The following CCSER1 variants were observed in gnomAD, a reference collection of about 807,000 sequenced individuals.
CCSER1 encodes coiled-coil serine rich protein 1, also known as serine-rich coiled-coil domain-containing protein 1.
Under a neutral mutation model 82.0 loss-of-function variants are expected in CCSER1, and 41 were observed. The observed-to-expected ratio is 0.50, with a 90% CI of 0.39 to 0.65. CCSER1 has a LOEUF of 0.65. CCSER1 is among the 30% of genes least tolerant of loss of function. The probability of loss-of-function intolerance (pLI) is 0.00; values close to 1 mark genes in which losing one functional copy is unlikely to be tolerated. For synonymous variants in CCSER1, 414 were observed against 383.9 expected (o/e 1.08, Z -0.92); for missense variants, 1,119 against 1,064.2 (o/e 1.05, Z -0.72).
At chr4:90,448,439 AATTGAATATATATATATATATATATATAT>A (rs1191120738) in intron 4 of CCSER1, among the ~76,000 whole-genome samples, 2 of 101,192 alleles carry the variant, frequency 2.0e-5, no homozygotes, top group African/African-American at 7.0e-5. Flanking sequence ...TCTCTAGGTG[AATTGAATATATATATATATATATATATAT>A]ATATATATAT....
intron 10 of CCSER1, among the ~76,000 whole-genome samples, chr4:91,431,869 G>C (rs1310125795): frequency 6.6e-6 from 1 of 151,982 alleles, no homozygotes; most frequent in East Asian, 1.9e-4. Flanking sequence ...TTAGTTCACA[G>C]GTTTTTTTTT....
chr4:90,392,439 G>T (rs1233160806), intron 3 of CCSER1, among the ~76,000 whole-genome samples: 1 of 151,984 alleles, frequency 6.6e-6, no homozygotes, highest in South Asian at 2.1e-4. Flanking sequence ...TGTGCTACTT[G>T]GAAAAATTAA....
Position 90,470,762 on chromosome 4 carries a change from C to CAAAAAAAAAA in CCSER1, c.1724+2418_1724+2427dup, listed in dbSNP as rs754754971. Among the ~76,000 whole-genome samples the CAAAAAAAAAA allele has an allele frequency of 2.0e-4, 14 of 71,240 alleles. 1 individual carries two copies. The highest frequency in any genetic ancestry group is 5.7e-4 in the African/African-American group (11 of 19,228). 46.7% of individuals were successfully genotyped at this position (71,240 alleles called of 152,430 possible). On this transcript the variant is annotated intron_variant, in intron 5 of 10. Coordinates refer to ENST00000509176, the MANE Select transcript of CCSER1 (RefSeq NM_001145065.2). Reference sequence around the variant, plus strand: ...AATTTCTCATTCCTTTTAATCAAAGCAAAAAAAAAAAAAAAAAAACAAAAC... The same window carrying CAAAAAAAAAA: ...AATTTCTCATTCCTTTTAATCAAAGCAAAAAAAAAAAAAAAAAAAAAAAAAAAAACAAAAC...
intron 10 of CCSER1, among the ~76,000 whole-genome samples, chr4:91,585,498 T>C (rs946970611): frequency 1.3e-5 from 2 of 151,452 alleles, no homozygotes; most frequent in Non-Finnish European, 1.5e-5. Context: ...AACAAATAAA[T>C]GCATTATATG....
chr4:91,556,931 G>A (rs1026141768), intron 10 of CCSER1, among the ~76,000 whole-genome samples: 5 of 150,958 alleles, frequency 3.3e-5, no homozygotes, highest in African/African-American at 1.2e-4. Flanking sequence ...TTTTAGAGAG[G>A]CCATTTTTTA....
rs1420687277 is a variant in CCSER1, at chr4:91,599,111, G to A, written c.*54G>A. 4.8e-6 allele frequency: 7 copies of A among 1,448,546 alleles called. No homozygotes were observed. The highest frequency in any genetic ancestry group is 1.8e-4 in the Middle Eastern group (1 of 5,542). The allele number at this position is 1,448,546 out of a possible 1,614,324, so 89.7% of individuals were successfully genotyped here. A position where few individuals can be genotyped will look rare whatever the true frequency, so the allele number is the denominator to read the frequency against. On this transcript the variant is annotated 3_prime_UTR_variant, in exon 11 of 11. Coordinates refer to ENST00000509176, the MANE Select transcript of CCSER1 (RefSeq NM_001145065.2). ...AGGATAAAGATGGTTAGTGTTTCTC[G>A]TGCATAGTTCATATTAAAATTGTCA...
intron 8 of CCSER1, among the ~76,000 whole-genome samples, chr4:90,891,959 A>G (rs772217099): frequency 1.3e-5 from 2 of 152,090 alleles, no homozygotes; most frequent in South Asian, 4.1e-4. Context: ...TACACTGCTA[A>G]ACCAACTTCA....
chr4:91,520,178 C>G (rs35429344), intron 10 of CCSER1, among the ~76,000 whole-genome samples: 9,311 of 152,076 alleles, frequency 0.061, 405 homozygotes, highest in Middle Eastern at 0.11. Context: ...TTTTAATATA[C>G]ATGGATATAT....
intron 3 of CCSER1, among the ~76,000 whole-genome samples, chr4:90,343,588 G>C (rs1248106043): frequency 6.6e-6 from 1 of 152,118 alleles, no homozygotes; most frequent in African/African-American, 2.4e-5. Context: ...CCACACCCCA[G>C]CCTGGCGACA....
chr4:90,915,552 A>C (rs887113347), intron 8 of CCSER1, among the ~76,000 whole-genome samples: 1 of 152,214 alleles, frequency 6.6e-6, no homozygotes, highest in Non-Finnish European at 1.5e-5. Flanking sequence ...ACTCACAGCC[A>C]ATATCATACT....
At chr4:91,514,401 A>C (rs1759988848) in intron 10 of CCSER1, among the ~76,000 whole-genome samples, 1 of 152,116 alleles carries the variant, frequency 6.6e-6, no homozygotes, top group Non-Finnish European at 1.5e-5. Flanking sequence ...AGTATGTTCT[A>C]TGTGCAGATG....
intron 3 of CCSER1, among the ~76,000 whole-genome samples, chr4:90,391,504 A>ATATAT (rs1751126399): frequency 1.3e-5 from 1 of 79,418 alleles, no homozygotes; most frequent in Non-Finnish European, 2.4e-5. Flanking sequence ...ACAGTGGGTA[A>ATATAT]ATATATATAT....
chr4:90,210,450 C>CTTTTT (rs11438395), intron 1 of CCSER1, among the ~76,000 whole-genome samples: 3 of 141,300 alleles, frequency 2.1e-5, no homozygotes, highest in South Asian at 2.2e-4. Context: ...CTTTTCTTTT[C>CTTTTT]TTTTTTTTTT....
At chr4:90,429,643 G>T (rs1295955747) in intron 4 of CCSER1, among the ~76,000 whole-genome samples, 2 of 151,702 alleles carry the variant, frequency 1.3e-5, no homozygotes, top group Non-Finnish European at 3.0e-5. Flanking sequence ...TTACGGACAA[G>T]AATTAGTTGA....
Position 90,655,282 on chromosome 4 carries a change from A to G in CCSER1, c.1932+27050A>G, listed in dbSNP as rs1291043294. On this transcript the variant is annotated intron_variant, in intron 6 of 10. Transcript: ENST00000509176. ...CCCTCATATCAGCTGCTCTCTTTAA[A>G]TTATCCTCCTGGTTTGATGAAGTAA... 2.6e-5 allele frequency among the ~76,000 whole-genome samples: 4 copies of G among 152,110 alleles called. No homozygotes were observed. The East Asian group carries it at 5.8e-4, about 22-fold the overall frequency.
intron 9 of CCSER1, among the ~76,000 whole-genome samples, chr4:91,016,108 T>G (rs1739409238): frequency 6.6e-6 from 1 of 152,004 alleles, no homozygotes; most frequent in Admixed American, 6.6e-5. Context: ...TAGGAAATGT[T>G]TATAAAAAAC....
intron 10 of CCSER1, among the ~76,000 whole-genome samples, chr4:91,590,142 C>T (rs1167989893): frequency 6.6e-6 from 1 of 152,030 alleles, no homozygotes; most frequent in Admixed American, 6.6e-5. Flanking sequence ...TTGCTTATCT[C>T]ATGCATGTCT....
intron 5 of CCSER1, among the ~76,000 whole-genome samples, chr4:90,597,472 A>G (rs890961560): frequency 2.0e-5 from 3 of 152,078 alleles, no homozygotes; most frequent in Non-Finnish European, 4.4e-5. Context: ...ATATAGACCC[A>G]TGAAACCATT....
At chr4:90,518,011 A>G (rs1281388850) in intron 5 of CCSER1, among the ~76,000 whole-genome samples, 1 of 152,096 alleles carries the variant, frequency 6.6e-6, no homozygotes, top group Non-Finnish European at 1.5e-5. Context: ...TAAAAAAAAC[A>G]TAATATGAAT....
Sources: allele counts gnomAD v4.1 joint callset (sites outside exome capture counted in the v4.1 genomes callset), GRCh38; gene constraint gnomAD v4.1.1; transcripts MANE v1.5; gene names NCBI Gene and HGNC (gene_info 2026-07-23, HGNC 2026-07-21).